ANKRD31: variants seen among roughly 807,000 people sequenced by gnomAD.
ANKRD31 encodes the protein ankyrin repeat domain 31.
Under a neutral mutation model 186.0 loss-of-function variants are expected in ANKRD31, and 147 were observed. That is an observed-to-expected ratio of 0.79 (90% CI 0.69 to 0.91). ANKRD31 has a LOEUF of 0.91. ANKRD31 is among the 40% of genes least tolerant of loss of function. ANKRD31 has a pLI of 0.00. For missense variants in ANKRD31, 1,986 were observed against 2,148.8 expected, an observed-to-expected ratio of 0.92 and a Z score of 1.50; for synonymous variants, 673 against 736.4, an observed-to-expected ratio of 0.91 and a Z score of 1.39.
chr5:75,199,602 C>T lies in ANKRD31; in HGVS notation c.447+29G>A, dbSNP rs758437099. On this transcript the variant is annotated intron_variant, in intron 6 of 25. Coordinates refer to ENST00000506364, the MANE Select transcript of ANKRD31 (RefSeq NM_001372053.1). ...TTAAAAAATCTAAACTCACAGTCTA[C>T]ATAGTTAATTTCTGTTATACAGACC... is the stretch of plus-strand genomic sequence containing the variant. The T allele has an allele frequency of 1.4e-5, 21 of 1,498,278 alleles. No homozygotes were observed. The South Asian group carries it at 2.5e-4, about 18-fold the overall frequency. 92.8% of individuals were successfully genotyped at this position (1,498,278 alleles called of 1,614,324 possible). A position where few individuals can be genotyped will look rare whatever the true frequency, so the allele number is the denominator to read the frequency against.
At chr5:75,183,608 T>G (rs993457627) in intron 10 of ANKRD31, among the ~76,000 whole-genome samples, 11 of 152,066 alleles carry the variant, frequency 7.2e-5, no homozygotes, top group African/African-American at 2.7e-4. Flanking sequence ...TGTTTCTATA[T>G]GCTAAATAGT....
At chr5:75,151,334 C>T (rs1476495763) in intron 12 of ANKRD31, among the ~76,000 whole-genome samples, 1 of 151,956 alleles carries the variant, frequency 6.6e-6, no homozygotes, top group Non-Finnish European at 1.5e-5. Flanking sequence ...GTGTCCCCTT[C>T]CAAATCTTAT....
chr5:75,148,684 C>T (rs998907184), intron 12 of ANKRD31, 56 bp from the exon 13 acceptor site: 409 of 1,329,872 alleles, frequency 3.1e-4, no homozygotes, highest in Non-Finnish European at 4.0e-4. Context: ...AGACTTTAGA[C>T]TTCTAAAACC....
intron 25 of ANKRD31, among the ~76,000 whole-genome samples, chr5:75,076,657 GT>G: frequency 6.6e-6 from 1 of 152,180 alleles, no homozygotes; most frequent in East Asian, 1.9e-4. Context: ...CTCCTGAGAG[GT>G]TGAAGTGTGG....
At chr5:75,202,545 A>T (rs1262586102) in intron 5 of ANKRD31, among the ~76,000 whole-genome samples, 1 of 152,260 alleles carries the variant, frequency 6.6e-6, no homozygotes, top group African/African-American at 2.4e-5. Context: ...GAAAATGGCC[A>T]GAGAAGCCTG....
At chr5:75,198,123 A>T (rs1755590596) in intron 6 of ANKRD31, among the ~76,000 whole-genome samples, 1 of 152,166 alleles carries the variant, frequency 6.6e-6, no homozygotes, top group South Asian at 2.1e-4. Context: ...AATATACCTT[A>T]CCGTAAATGG....
chr5:75,207,766 G>C (rs2150280523), intron 4 of ANKRD31, among the ~76,000 whole-genome samples: 1 of 152,130 alleles, frequency 6.6e-6, no homozygotes, highest in Non-Finnish European at 1.5e-5. Flanking sequence ...GGTTCTCTAG[G>C]CAGAGAGAAT....
intron 10 of ANKRD31, among the ~76,000 whole-genome samples, chr5:75,181,493 C>T (rs1754289981): frequency 6.6e-6 from 1 of 151,978 alleles, no homozygotes. Flanking sequence ...CCTAAATGTC[C>T]AACAACAATA....
chr5:75,144,777 G>C (rs958297147), intron 14 of ANKRD31, among the ~76,000 whole-genome samples: 1 of 152,094 alleles, frequency 6.6e-6, no homozygotes, highest in Admixed American at 6.6e-5. Flanking sequence ...CTTCTGCACA[G>C]CAAAAGAAAC....
chr5:75,171,791 C>T (rs1330618144), intron 10 of ANKRD31, among the ~76,000 whole-genome samples: 3 of 151,078 alleles, frequency 2.0e-5, no homozygotes, highest in Non-Finnish European at 4.4e-5. Context: ...AAAACTCTCC[C>T]ACAAATAAAA....
chr5:75,144,328 T>A (rs187935824), intron 14 of ANKRD31, among the ~76,000 whole-genome samples, 157 bp from the exon 15 acceptor site: 65 of 152,222 alleles, frequency 4.3e-4, no homozygotes, highest in Middle Eastern at 3.4e-3. Flanking sequence ...AGACAAAAAG[T>A]TTGCTGGTTG....
chr5:75,088,609 G>C (rs1390292092), intron 23 of ANKRD31, among the ~76,000 whole-genome samples: 3 of 152,174 alleles, frequency 2.0e-5, no homozygotes, highest in Non-Finnish European at 4.4e-5. Flanking sequence ...TTTGAGTTCA[G>C]AGCAACCTGT....
intron 17 of ANKRD31, among the ~76,000 whole-genome samples, chr5:75,133,336 AC>A (rs1424423073): frequency 6.6e-6 from 1 of 152,186 alleles, no homozygotes; most frequent in Admixed American, 6.5e-5. Context: ...CAAATGGAAA[AC>A]AAAAAAAAAA....
chr5:75,142,161 T>C (rs570239908), intron 15 of ANKRD31, among the ~76,000 whole-genome samples: 1 of 152,150 alleles, frequency 6.6e-6, no homozygotes, highest in South Asian at 2.1e-4. Context: ...CAGGATCTTC[T>C]CTTTATTCCT....
intron 17 of ANKRD31, among the ~76,000 whole-genome samples, chr5:75,137,330 G>A (rs2150128144): frequency 6.6e-6 from 1 of 152,126 alleles, no homozygotes; most frequent in Admixed American, 6.5e-5. Flanking sequence ...TCTTAAGGTC[G>A]AGATTTGAAA....
intron 11 of ANKRD31, among the ~76,000 whole-genome samples, chr5:75,166,995 A>C (rs930360150): frequency 1.3e-5 from 2 of 152,148 alleles, no homozygotes; most frequent in African/African-American, 2.4e-5. Context: ...GTATATTAAA[A>C]GGGTTGTATA....
intron 17 of ANKRD31, among the ~76,000 whole-genome samples, chr5:75,121,180 T>TAAAAAAAAA (rs369698514): frequency 8.0e-6 from 1 of 124,480 alleles, no homozygotes; most frequent in Non-Finnish European, 1.8e-5. Flanking sequence ...AGACTCTATA[T>TAAAAAAAAA]AAAAAAAAAA....
intron 10 of ANKRD31, among the ~76,000 whole-genome samples, chr5:75,179,797 G>C (rs961572697): frequency 2.0e-5 from 3 of 152,112 alleles, no homozygotes; most frequent in Non-Finnish European, 4.4e-5. Context: ...ACAAAAACTA[G>C]AAGCATTCTC....
At chr5:75,226,991 T>C (rs1757671008) in intron 2 of ANKRD31, among the ~76,000 whole-genome samples, 1 of 152,166 alleles carries the variant, frequency 6.6e-6, no homozygotes, top group African/African-American at 2.4e-5. Context: ...CACGGTTTTT[T>C]TTTTAGCACT....
Sources: allele counts gnomAD v4.1 joint callset (sites outside exome capture counted in the v4.1 genomes callset), GRCh38; gene constraint gnomAD v4.1.1; transcripts MANE v1.5; gene names NCBI Gene and HGNC (gene_info 2026-07-23, HGNC 2026-07-21).